CNOT10: variants seen among roughly 807,000 people sequenced by gnomAD.
CNOT10 encodes CCR4-NOT transcription complex, subunit 10.
CNOT10 carries 30 observed loss-of-function variants against 94.6 expected under a neutral mutation model. The observed-to-expected ratio is 0.32, with a 90% CI of 0.24 to 0.43. The LOEUF (loss-of-function observed/expected upper bound fraction) is 0.43, where lower values mean the gene tolerates loss of function less well. Ranked by LOEUF, CNOT10 falls within the 20% of genes least tolerant of loss-of-function variation. The pLI, the probability that CNOT10 is intolerant of heterozygous loss-of-function variation, is 1.00. For missense variants in CNOT10, 759 were observed against 877.2 expected (o/e 0.87, Z 1.70); for synonymous variants, 289 against 301.6 (o/e 0.96, Z 0.43).
intron 8 of CNOT10, among the ~76,000 whole-genome samples, chr3:32,721,304 C>T (rs1458556181): frequency 6.6e-6 from 1 of 151,528 alleles, no homozygotes. Flanking sequence ...TCAAGTGACC[C>T]GCCCACCTCA....
At chr3:32,729,394 T>A (rs1698834538) in intron 10 of CNOT10, among the ~76,000 whole-genome samples, 1 of 152,154 alleles carries the variant, frequency 6.6e-6, no homozygotes, top group Non-Finnish European at 1.5e-5. Flanking sequence ...ATGTGTGTCT[T>A]CCATTTGCTA....
At chr3:32,690,178 A>G (rs779884131) in intron 1 of CNOT10, among the ~76,000 whole-genome samples, 57 of 152,218 alleles carry the variant, frequency 3.7e-4, no homozygotes, top group Non-Finnish European at 7.3e-4. Flanking sequence ...GTAAGGAATG[A>G]TAAGAGTAGG....
intron 1 of CNOT10, among the ~76,000 whole-genome samples, chr3:32,688,879 T>C (rs969668871): frequency 6.6e-6 from 1 of 151,998 alleles, no homozygotes; most frequent in Non-Finnish European, 1.5e-5. Context: ...CACGCCACTG[T>C]CCAGGCAACA....
At position 32,685,415 on chromosome 3, in the gene CNOT10, C is replaced by T. The variant is rs1466362576; in HGVS notation, c.-46C>T. Reference sequence around the variant, plus strand: ...CAGCGGCCAGCCCGGCGGCGGGAGTCAGGGCCACGCCACCTGCAGGGAAGA... The same window carrying T: ...CAGCGGCCAGCCCGGCGGCGGGAGTTAGGGCCACGCCACCTGCAGGGAAGA... On this transcript the variant is annotated 5_prime_UTR_variant, in exon 1 of 19. Coordinates refer to ENST00000328834, the MANE Select transcript of CNOT10 (RefSeq NM_015442.3). 1.2e-5 allele frequency: 19 copies of T among 1,549,554 alleles called. No individual in the cohort carries two copies. The highest frequency in any genetic ancestry group is 1.7e-5 in the Non-Finnish European group (19 of 1,146,352).
chr3:32,754,483 A>T (rs1700117217), intron 13 of CNOT10, among the ~76,000 whole-genome samples: 1 of 38,200 alleles, frequency 2.6e-5, no homozygotes, highest in African/African-American at 1.1e-4. Flanking sequence ...TCTCAAAAAA[A>T]AAAAAAATAC....
At chr3:32,746,925 G>C (rs1039172282) in intron 13 of CNOT10, among the ~76,000 whole-genome samples, 1 of 151,268 alleles carries the variant, frequency 6.6e-6, no homozygotes, top group African/African-American at 2.4e-5. Flanking sequence ...AGGCAGTAAT[G>C]CAAGTCATGG....
At chr3:32,758,934 T>G (rs1404898000) in intron 13 of CNOT10, among the ~76,000 whole-genome samples, 1 of 152,196 alleles carries the variant, frequency 6.6e-6, no homozygotes, top group Non-Finnish European at 1.5e-5. Context: ...CTTGATACTA[T>G]GGTTTAGCAA....
rs778920787 is a variant in CNOT10 at position 32,773,496 on chromosome 3, A to G, written c.2120A>G (p.Gln707Arg). The part of the protein sequence containing the change: ...QLALQIIKRN[Q>R]LLPAVKTHSE... ...GCCTTACAGATCATCAAAAGGAATC[A>G]GCTGCTCCCTGCAGTGAAAACACAC... is the stretch of plus-strand genomic sequence containing the variant. Residue 707 changes from glutamine (Q) to arginine (R), a missense_variant, in exon 19 of 19, where the codon CAG becomes CGG. Physicochemically the swap from Gln to Arg is conservative, Grantham distance 43. Around this residue, in one of 3 missense-constraint regions of CNOT10, gnomAD observed 73 missense variants for 61.0 expected, o/e 1.20. Coordinates refer to ENST00000328834, the MANE Select transcript of CNOT10 (RefSeq NM_015442.3). 1 of 1,614,062 alleles carries G rather than the reference A, an allele frequency of 6.2e-7. No individual in the cohort carries two copies. The highest frequency in any genetic ancestry group is 8.5e-7 in the Non-Finnish European group (1 of 1,179,988).
Position 32,733,530 on chromosome 3 carries a change from G to A in CNOT10, c.1323G>A (p.Gln441=). The A allele has an allele frequency of 1.9e-6, 3 of 1,574,634 alleles. No homozygotes were observed. Among genetic ancestry groups the A allele is most frequent in the Middle Eastern group, 1.9e-4 (1 of 5,270 alleles). ...TAGTTTTGGCATCACAGTCTATACA[G>A]AATACTGTTTATAAGTAAGTATTTT... ...RKIVLASQSI[Q]NTVYNDGQSS... is the part of the protein sequence containing the mutation. Residue 441 remains glutamine, a synonymous_variant, in exon 11 of 19, where the codon CAG becomes CAA. Transcript: ENST00000328834.
chr3:32,750,840 G>A (rs990167768), intron 13 of CNOT10, among the ~76,000 whole-genome samples: 1 of 152,108 alleles, frequency 6.6e-6, no homozygotes, highest in Non-Finnish European at 1.5e-5. Flanking sequence ...GTGAGCCACC[G>A]GGCCCAGCTA....
At position 32,773,445 on chromosome 3, in the gene CNOT10, G is replaced by A. The variant is rs751055266; in HGVS notation, c.2081-12G>A. On this transcript the variant is annotated splice_polypyrimidine_tract_variant and intron_variant, in intron 18 of 18. Coordinates refer to ENST00000328834, the MANE Select transcript of CNOT10 (RefSeq NM_015442.3). ...TCTGTGCTTTGTTTTTTAACGGGAA[G>A]TGTTTTTATAGGTAATACTCAGCTG... 6.2e-7 allele frequency: 1 copy of A among 1,603,624 alleles called. No individual in the cohort carries two copies. Among genetic ancestry groups the A allele is most frequent in the South Asian group, 1.1e-5 (1 of 89,752 alleles).
rs916477487 is a variant in CNOT10, at chr3:32,733,439, C to T, written c.1232C>T (p.Thr411Ile). 2.4e-5 allele frequency: 38 copies of T among 1,591,262 alleles called. No homozygotes were observed. Among genetic ancestry groups the T allele is most frequent in the Non-Finnish European group, 2.9e-5 (34 of 1,166,564 alleles). Residue 411 changes from threonine (T) to isoleucine (I), a missense_variant, in exon 11 of 19, where the codon ACT becomes ATT. Thr to Ile is a moderately conservative substitution (Grantham distance 89). Coordinates refer to ENST00000328834, the MANE Select transcript of CNOT10 (RefSeq NM_015442.3). Reference sequence around the variant, plus strand: ...ATTTTGTAGACTTCTGAACAAGAAACTAAAGGCCTTCCCAGCAAAAAAGGA... The same window carrying T: ...ATTTTGTAGACTTCTGAACAAGAAATTAAAGGCCTTCCCAGCAAAAAAGGA... ...AANKGTSEQE[T>I]KGLPSKKGIV... is the part of the protein sequence containing the mutation.
chr3:32,720,891 TTTCCTTCC>T (rs745348303), intron 8 of CNOT10, among the ~76,000 whole-genome samples: 4,394 of 107,272 alleles, frequency 0.041, 121 homozygotes, highest in African/African-American at 0.058. Context: ...TTTTCCTTCT[TTTCCTTCC>T]TTCCTTCCTT....
chr3:32,735,528 G>A (rs954833904), intron 12 of CNOT10, among the ~76,000 whole-genome samples: 13 of 152,034 alleles, frequency 8.6e-5, no homozygotes, highest in Admixed American at 3.9e-4. Flanking sequence ...CCAACATGGT[G>A]AAACCCCGTC....
At chr3:32,764,353 A>G in intron 15 of CNOT10, 102 bp from the exon 16 acceptor site, 1 of 1,263,788 alleles carries the variant, frequency 7.9e-7, no homozygotes, top group Non-Finnish European at 1.1e-6. Flanking sequence ...AAAAAAAAGA[A>G]AAGAAAAGAA....
At chr3:32,713,431 G>C (rs1697976333) in intron 5 of CNOT10, 62 bp downstream of exon 5, 2 of 1,317,560 alleles carry the variant, frequency 1.5e-6, no homozygotes, top group Non-Finnish European at 1.0e-6. Context: ...CTACTTGTTG[G>C]TTTACTGGAT....
rs33937831 is a variant in CNOT10, at chr3:32,725,927, A to AGTTTTGTTTTGTTTTGTTTT, written c.1012+345_1012+364dup. ...GACTGTGCCAAACTAGGTTTATTATAGTTTTGTTTTGTTTTGTTTTGTTTT... is the reference window on the plus strand; with the variant it reads ...GACTGTGCCAAACTAGGTTTATTATAGTTTTGTTTTGTTTTGTTTTGTTTTGTTTTGTTTTGTTTTGTTTT... On this transcript the variant is annotated intron_variant, in intron 9 of 18. Coordinates refer to ENST00000328834, the MANE Select transcript of CNOT10 (RefSeq NM_015442.3). Among the ~76,000 whole-genome samples, 433 of 149,810 alleles carry AGTTTTGTTTTGTTTTGTTTT rather than the reference A, an allele frequency of 2.9e-3. 4 individuals are homozygous for AGTTTTGTTTTGTTTTGTTTT. The highest frequency in any genetic ancestry group is 9.9e-3 in the African/African-American group (400 of 40,544).
At chr3:32,743,588 C>T (rs576924049) in intron 13 of CNOT10, among the ~76,000 whole-genome samples, 29 of 152,180 alleles carry the variant, frequency 1.9e-4, no homozygotes, top group African/African-American at 5.3e-4. Context: ...GAGCCGAGAT[C>T]GTGCCACTAT....
chr3:32,761,327 A>G (rs535377207), intron 14 of CNOT10, among the ~76,000 whole-genome samples: 27 of 152,270 alleles, frequency 1.8e-4, no homozygotes, highest in Admixed American at 3.9e-4. Context: ...CAAAATGCCA[A>G]TGTTGGGAAT....
Sources: allele counts gnomAD v4.1 joint callset (sites outside exome capture counted in the v4.1 genomes callset), GRCh38; gene constraint gnomAD v4.1.1; regional missense constraint gnomAD v4.1.1; transcripts MANE v1.5; gene names NCBI Gene and HGNC (gene_info 2026-07-23, HGNC 2026-07-21).